CFAP299: variants seen among roughly 807,000 people sequenced by gnomAD.
CFAP299 encodes the protein cilia- and flagella-associated protein 299.
A neutral mutation model predicts 27.0 loss-of-function variants in CFAP299; 21 were observed. The observed-to-expected ratio is 0.78, with a 90% confidence interval of 0.55 to 1.12. The LOEUF is 1.12. Ranked by LOEUF, CFAP299 falls within the 50% of genes most tolerant of loss-of-function variation. The probability of loss-of-function intolerance (pLI) is 0.00; values close to 1 mark genes in which losing one functional copy is unlikely to be tolerated. For missense variants in CFAP299, 310 were observed against 276.6 expected, an observed-to-expected ratio of 1.12 and a Z score of -0.86; for synonymous variants, 104 against 98.1, an observed-to-expected ratio of 1.06 and a Z score of -0.36.
At chr4:80,874,694 C>T (rs1733279888) in intron 4 of CFAP299, among the ~76,000 whole-genome samples, 1 of 152,040 alleles carries the variant, frequency 6.6e-6, no homozygotes, top group African/African-American at 2.4e-5. Flanking sequence ...AATCACTTTC[C>T]AAAAGCCCTA....
chr4:80,451,849 A>G (rs1330368214), intron 2 of CFAP299, among the ~76,000 whole-genome samples: 1 of 152,222 alleles, frequency 6.6e-6, no homozygotes. Flanking sequence ...GTGAAAGATT[A>G]GATTCCATTA....
At chr4:80,860,078 T>C (rs545841928) in intron 3 of CFAP299, among the ~76,000 whole-genome samples, 1 of 152,202 alleles carries the variant, frequency 6.6e-6, no homozygotes, top group African/African-American at 2.4e-5. Context: ...CTTTTCACAT[T>C]GTCCCATATT....
Position 80,861,080 on chromosome 4 carries a change from G to T in CFAP299, c.334-8913G>T, listed in dbSNP as rs182219361. Among the ~76,000 whole-genome samples the T allele has an allele frequency of 1.3e-3, 197 of 152,332 alleles. 1 individual carries two copies. The East Asian group carries it at 0.031, about 24-fold the overall frequency. On this transcript the variant is annotated intron_variant, in intron 3 of 5. Transcript: ENST00000358105. The stretch of plus-strand genomic sequence containing the variant: ...GGGCTCCAACCAGTTGGAGCTTTCA[G>T]CTGCTTTGTTTACCTAAGCAAGCCT...
chr4:80,914,410 C>T (rs1472284083), intron 4 of CFAP299, among the ~76,000 whole-genome samples: 2 of 152,070 alleles, frequency 1.3e-5, no homozygotes, highest in African/African-American at 4.8e-5. Flanking sequence ...GCACTATAGA[C>T]ATTTGGGGCC....
chr4:80,706,881 G>A (rs775716193), intron 3 of CFAP299, among the ~76,000 whole-genome samples: 45 of 151,780 alleles, frequency 3.0e-4, no homozygotes, highest in Non-Finnish European at 5.5e-4. Flanking sequence ...AAAAGTTTAG[G>A]TTCCTAATGA....
rs772361043 is a variant in CFAP299, at chr4:80,727,015, C to A, written c.334-142978C>A. Among the ~76,000 whole-genome samples the A allele has an allele frequency of 2.6e-5, 4 of 151,900 alleles. No homozygotes were observed. The South Asian group carries it at 8.3e-4, about 31-fold the overall frequency. ...CACACCCCACTCCACCCCCAGCATT[C>A]CAGCAAAAATAAAGTGAAAAATAAA... On this transcript the variant is annotated intron_variant, in intron 3 of 5. Transcript: ENST00000358105.
At chr4:80,777,463 A>C (rs1276910438) in intron 3 of CFAP299, among the ~76,000 whole-genome samples, 1 of 152,076 alleles carries the variant, frequency 6.6e-6, no homozygotes, top group Non-Finnish European at 1.5e-5. Flanking sequence ...TAATTACTTC[A>C]GTGCTGATAC....
At chr4:80,514,398 C>T (rs1178786509) in intron 2 of CFAP299, among the ~76,000 whole-genome samples, 3 of 151,824 alleles carry the variant, frequency 2.0e-5, no homozygotes, top group African/African-American at 4.8e-5. Context: ...CTTTAAATGT[C>T]CATAATAGCA....
At chr4:80,815,281 T>C (rs1729365390) in intron 3 of CFAP299, among the ~76,000 whole-genome samples, 1 of 151,884 alleles carries the variant, frequency 6.6e-6, no homozygotes, top group Non-Finnish European at 1.5e-5. Context: ...AAAATAAATT[T>C]CCAAATTAAA....
the CFAP299 span, among the ~76,000 whole-genome samples, chr4:80,324,845 G>A: frequency 6.6e-6 from 1 of 152,202 alleles, no homozygotes; most frequent in Non-Finnish European, 1.5e-5. Flanking sequence ...ATCAGAGGCT[G>A]GGAGTGGTGG....
intron 2 of CFAP299, among the ~76,000 whole-genome samples, chr4:80,446,852 C>T (rs552810281): frequency 2.6e-5 from 4 of 152,276 alleles, no homozygotes; most frequent in Non-Finnish European, 5.9e-5. Context: ...TCAGTCAACT[C>T]ATCAAAATGT....
intron 2 of CFAP299, among the ~76,000 whole-genome samples, chr4:80,418,236 T>A (rs1727113168): frequency 6.6e-6 from 1 of 152,178 alleles, no homozygotes; most frequent in Non-Finnish European, 1.5e-5. Flanking sequence ...AGCCCCACTA[T>A]TCTATGGCTT....
chr4:80,376,545 T>A (rs542383584), intron 2 of CFAP299, among the ~76,000 whole-genome samples: 1 of 152,320 alleles, frequency 6.6e-6, no homozygotes, highest in South Asian at 2.1e-4. Flanking sequence ...GGTGTTAGAG[T>A]CCCAGTGGTC....
chr4:80,494,306 G>T (rs555570591), intron 2 of CFAP299, among the ~76,000 whole-genome samples: 5 of 152,018 alleles, frequency 3.3e-5, no homozygotes, highest in African/African-American at 1.2e-4. Context: ...CCAGCTCTTC[G>T]CACTATCCTA....
At chr4:80,806,428 A>T (rs1171964509) in intron 3 of CFAP299, among the ~76,000 whole-genome samples, 2 of 152,204 alleles carry the variant, frequency 1.3e-5, no homozygotes, top group Admixed American at 6.5e-5. Context: ...GAACCAAAAT[A>T]TAATGTGAAA....
intron 2 of CFAP299, among the ~76,000 whole-genome samples, chr4:80,440,800 T>C (rs1728322590): frequency 6.6e-6 from 1 of 152,152 alleles, no homozygotes; most frequent in African/African-American, 2.4e-5. Context: ...GCAAGGAAGC[T>C]AAGAACCTTG....
intron 3 of CFAP299, among the ~76,000 whole-genome samples, chr4:80,617,835 C>T (rs949166534): frequency 8.5e-5 from 13 of 152,064 alleles, no homozygotes; most frequent in Non-Finnish European, 1.2e-4. Context: ...GTGGTCAAAA[C>T]ATTAACAGAG....
chr4:80,405,495 A>G (rs1726370086), intron 2 of CFAP299, among the ~76,000 whole-genome samples: 1 of 152,178 alleles, frequency 6.6e-6, no homozygotes, highest in African/African-American at 2.4e-5. Context: ...CAAATATATA[A>G]TTGACTTCAT....
At chr4:80,855,459 G>A (rs925705990) in intron 3 of CFAP299, among the ~76,000 whole-genome samples, 1 of 151,858 alleles carries the variant, frequency 6.6e-6, no homozygotes, top group African/African-American at 2.4e-5. Flanking sequence ...ACAATGTGCA[G>A]GTTAGTTACA....
Sources: allele counts gnomAD v4.1 joint callset (sites outside exome capture counted in the v4.1 genomes callset), GRCh38; gene constraint gnomAD v4.1.1; transcripts MANE v1.5; gene names NCBI Gene and HGNC (gene_info 2026-07-23, HGNC 2026-07-21).